Variants in ACAN observed in about 807,000 individuals in gnomAD.
ACAN encodes the protein aggrecan core protein.
In ACAN, 47 loss-of-function variants were observed where a neutral mutation model predicts 169.1. That is an observed-to-expected ratio of 0.28 (90% CI 0.22 to 0.35). The LOEUF is 0.35. ACAN is among the 10% of genes least tolerant of loss of function. The pLI is 1.00. For synonymous variants in ACAN, 1,115 were observed against 1,112.2 expected (o/e 1.00, Z -0.05); for missense variants, 2,716 against 2,759.9 (o/e 0.98, Z 0.36).
intron 11 of ACAN, among the ~76,000 whole-genome samples, chr15:88,854,075 A>T (rs1313955793): frequency 6.6e-6 from 1 of 152,216 alleles, no homozygotes; most frequent in Non-Finnish European, 1.5e-5. Flanking sequence ...TGTAGCCTTG[A>T]TTAGTTAGAA....
Position 88,855,120 on chromosome 15 carries a change from A to AC in ACAN, c.2541dup (p.Val848ArgfsTer6). Reference sequence around the variant, plus strand: ...CCTCGGAAGAGCCGTATACACCTTCACCCCCCGTGCCCAGCTGGACTGAGC... The same window carrying AC: ...CCTCGGAAGAGCCGTATACACCTTCACCCCCCCGTGCCCAGCTGGACTGAGC... On this transcript the variant is annotated frameshift_variant, in exon 12 of 19. Transcript: ENST00000560601. LOFTEE classifies it high-confidence loss of function. 2 of 1,605,394 alleles carry AC rather than the reference A, an allele frequency of 1.2e-6. No homozygotes were observed.
rs779813936 is a variant in ACAN at position 88,814,693 on chromosome 15, G to A, written c.-8+10884G>A. Among the ~76,000 whole-genome samples, 4 of 152,178 alleles carry A rather than the reference G, an allele frequency of 2.6e-5. No homozygotes were observed. The highest frequency in any genetic ancestry group is 7.2e-5 in the African/African-American group (3 of 41,452). ...GCAGCCTTTGCAATTGATTGTACCC[G>A]ACTCCTTCAACCCTTCTCTGGGACT... is the stretch of plus-strand genomic sequence containing the variant. On this transcript the variant is annotated intron_variant, in intron 1 of 18. Coordinates refer to ENST00000560601, the MANE Select transcript of ACAN (RefSeq NM_001369268.1). The surrounding 1 kb of genome is among the most constrained non-coding windows in gnomAD (Gnocchi z 4.0).
At position 88,847,325 on chromosome 15, in the gene ACAN, G is replaced by C. The variant is rs1433632412; in HGVS notation, c.1512G>C (p.Gly504=). 7.6e-6 allele frequency: 12 copies of C among 1,580,226 alleles called. No homozygotes were observed. Among genetic ancestry groups the C allele is most frequent in the Non-Finnish European group, 1.0e-5 (12 of 1,164,404 alleles). Reference sequence around the variant, plus strand: ...CACAGCAGGCCTGCCTGCGCACGGGGGCGGTCATTGCCTCGCCGGAGCAGC... The same window carrying C: ...CACAGCAGGCCTGCCTGCGCACGGGCGCGGTCATTGCCTCGCCGGAGCAGC... The part of the protein sequence containing the change: ...EEAQQACLRT[G]AVIASPEQLQ... Residue 504 remains glycine (G), a synonymous_variant, in exon 8 of 19, where the codon GGG becomes GGC. Coordinates refer to ENST00000560601, the MANE Select transcript of ACAN (RefSeq NM_001369268.1).
chr15:88,860,933 AC>A (rs2141617239), intron 13 of ACAN, among the ~76,000 whole-genome samples: 1 of 152,146 alleles, frequency 6.6e-6, no homozygotes, highest in East Asian at 1.9e-4. Flanking sequence ...AACGGTAATC[AC>A]CCAGCACAGG....
At chr15:88,831,530 T>A (rs913523507) in intron 1 of ACAN, among the ~76,000 whole-genome samples, 10 of 152,224 alleles carry the variant, frequency 6.6e-5, no homozygotes, top group Non-Finnish European at 1.2e-4. Flanking sequence ...ATTCATTCAT[T>A]CAGCAATTTC....
Position 88,844,028 on chromosome 15 carries a change from T to C in ACAN, c.1051+380T>C, listed in dbSNP as rs561815121. ...GATGGGGTGCCCGCCTGCAAAGACGTTGGGGGTCTGACATGTGACCCTGGC... is the reference window on the plus strand; with the variant it reads ...GATGGGGTGCCCGCCTGCAAAGACGCTGGGGGTCTGACATGTGACCCTGGC... On this transcript the variant is annotated intron_variant, in intron 6 of 18. Transcript: ENST00000560601. Among the ~76,000 whole-genome samples the C allele has an allele frequency of 2.8e-3, 424 of 152,312 alleles. 2 individuals are homozygous for C. The highest frequency in any genetic ancestry group is 0.015 in the South Asian group (71 of 4,816).
At chr15:88,811,008 G>A (rs1002908149) in intron 1 of ACAN, among the ~76,000 whole-genome samples, 3 of 152,186 alleles carry the variant, frequency 2.0e-5, no homozygotes, top group Admixed American at 6.5e-5. Flanking sequence ...GTCCTTTAGG[G>A]GAGTGAGAAG....
At chr15:88,835,830 T>C (rs781681641) in intron 1 of ACAN, among the ~76,000 whole-genome samples, 33 of 152,110 alleles carry the variant, frequency 2.2e-4, no homozygotes, top group Non-Finnish European at 4.4e-4. Context: ...GTCAATCTCA[T>C]CCAGAAACAC....
intron 9 of ACAN, 139 bp downstream of exon 9, chr15:88,848,177 C>T (rs771559372): frequency 1.3e-4 from 174 of 1,319,268 alleles, no homozygotes; most frequent in Non-Finnish European, 1.8e-4. Context: ...GGAAAGGGTC[C>T]TGCTGAAAAA....
At chr15:88,835,255 A>T (rs1368872897) in intron 1 of ACAN, among the ~76,000 whole-genome samples, 1 of 152,130 alleles carries the variant, frequency 6.6e-6, no homozygotes, top group Non-Finnish European at 1.5e-5. Context: ...TCTGGATTTG[A>T]AGTTGGTGGC....
At chr15:88,828,553 G>A (rs1285429063) in intron 1 of ACAN, among the ~76,000 whole-genome samples, 1 of 152,146 alleles carries the variant, frequency 6.6e-6, no homozygotes, top group East Asian at 1.9e-4. Context: ...TTTCTGAATA[G>A]GCTGGACCTT....
Position 88,874,256 on chromosome 15 carries a change from A to G in ACAN, c.7631-149A>G, listed in dbSNP as rs907154129. 9.5e-7 allele frequency: 1 copy of G among 1,057,510 alleles called. No homozygotes were observed. Among genetic ancestry groups the G allele is most frequent in the Non-Finnish European group, 1.4e-6 (1 of 707,460 alleles). The allele number at this position is 1,057,510 out of a possible 1,614,324, so 65.5% of individuals were successfully genotyped here. On this transcript the variant is annotated intron_variant, in intron 18 of 18. Coordinates refer to ENST00000560601, the MANE Select transcript of ACAN (RefSeq NM_001369268.1). The surrounding 1 kb of genome is among the most constrained non-coding windows in gnomAD (Gnocchi z 7.3). Reference sequence around the variant, plus strand: ...GAAGGAGAAAAAGCCAGAAAGTCCAAGAAAAATCCAAATCAGGAAAGCCGA... The same window carrying G: ...GAAGGAGAAAAAGCCAGAAAGTCCAGGAAAAATCCAAATCAGGAAAGCCGA...
At chr15:88,805,365 G>C (rs534758458) in intron 1 of ACAN, among the ~76,000 whole-genome samples, 1 of 152,162 alleles carries the variant, frequency 6.6e-6, no homozygotes, top group Non-Finnish European at 1.5e-5. Flanking sequence ...GGGAGGAGAG[G>C]TTCTAACCTG....
At chr15:88,809,815 G>C (rs1895774307) in intron 1 of ACAN, among the ~76,000 whole-genome samples, 1 of 152,194 alleles carries the variant, frequency 6.6e-6, no homozygotes, top group Admixed American at 6.5e-5. Context: ...CCAGAGCTGA[G>C]GTGAGCCCAG....
In ACAN at chr15:88,838,540, CAG is replaced by C; in HGVS notation, c.71-121_71-120del. 8.3e-7 allele frequency: 1 copy of C among 1,204,246 alleles called. No homozygotes were observed. The highest frequency in any genetic ancestry group is 1.2e-6 in the Non-Finnish European group (1 of 856,230). The allele number at this position is 1,204,246 out of a possible 1,614,324, so 74.6% of individuals were successfully genotyped here. On this transcript the variant is annotated intron_variant, in intron 2 of 18. Coordinates refer to ENST00000560601, the MANE Select transcript of ACAN (RefSeq NM_001369268.1). The surrounding 1 kb of genome is among the most constrained non-coding windows in gnomAD (Gnocchi z 5.1). ...CACGGGAGCATCCCCATCATAGAGA[CAG>C]ACACACTCATCGGATTTCGCTCTCT... is the stretch of plus-strand genomic sequence containing the variant.
At chr15:88,808,646 C>A (rs1895745235) in intron 1 of ACAN, among the ~76,000 whole-genome samples, 1 of 152,170 alleles carries the variant, frequency 6.6e-6, no homozygotes, top group Non-Finnish European at 1.5e-5. Context: ...CTGCTAGCGT[C>A]TCATGGATAG....
chr15:88,863,027 C>T (rs1897227525), intron 13 of ACAN, among the ~76,000 whole-genome samples: 1 of 149,602 alleles, frequency 6.7e-6, no homozygotes, highest in African/African-American at 2.5e-5. Flanking sequence ...AGAAACAAGA[C>T]CATGGATCAG....
intron 7 of ACAN, among the ~76,000 whole-genome samples, chr15:88,846,169 T>A (rs1200014536): frequency 2.6e-5 from 4 of 152,260 alleles, no homozygotes; most frequent in Non-Finnish European, 5.9e-5. Flanking sequence ...GGAAGTAGCG[T>A]GGAGAACAAC....
chr15:88,838,551 A>C lies in ACAN; in HGVS notation c.71-112A>C. ...CCCCATCATAGAGACAGACACACTC[A>C]TCGGATTTCGCTCTCTCAGGAGAGT... On this transcript the variant is annotated intron_variant, in intron 2 of 18. Transcript: ENST00000560601. This position sits in a 1 kb window ranked among gnomAD's most constrained non-coding sequence, Gnocchi z 5.1. 1 of 1,294,434 alleles carries C rather than the reference A, an allele frequency of 7.7e-7. No individual in the cohort carries two copies. Among genetic ancestry groups the C allele is most frequent in the Non-Finnish European group, 1.1e-6 (1 of 935,372 alleles). The allele number at this position is 1,294,434 out of a possible 1,614,324, so 80.2% of individuals were successfully genotyped here. A position where few individuals can be genotyped will look rare whatever the true frequency, so the allele number is the denominator to read the frequency against.
Sources: gnomAD v4.1 joint callset for allele counts (sites outside exome capture counted in the v4.1 genomes callset) on GRCh38, gnomAD v4.1.1 for gene constraint, Gnocchi (gnomAD v3.1) non-coding constraint, MANE v1.5 for transcripts, NCBI Gene and HGNC (gene_info 2026-07-23, HGNC 2026-07-21) for gene names.